The following WNT9B variants were observed in gnomAD, a reference collection of about 807,000 sequenced individuals.
The protein encoded by WNT9B is Wnt family member 9B.
In WNT9B, 12 loss-of-function variants were observed where a neutral mutation model predicts 30.2. The ratio of observed to expected loss-of-function variants is 0.40; its 90% CI spans 0.26 to 0.64. The LOEUF is 0.64. Among genes scored for constraint, WNT9B ranks in the 30% least tolerant of loss-of-function variants. The pLI, the probability that WNT9B is intolerant of heterozygous loss-of-function variation, is 0.42. For synonymous variants in WNT9B, 218 were observed against 216.9 expected (o/e 1.01, Z -0.05); for missense variants, 442 against 485.2 (o/e 0.91, Z 0.84).
At chr17:46,873,232 T>C (rs1168420869) in intron 2 of WNT9B, among the ~76,000 whole-genome samples, 1 of 152,072 alleles carries the variant, frequency 6.6e-6, no homozygotes, top group East Asian at 1.9e-4. Flanking sequence ...TATCTGTCCC[T>C]TTGTTTGTCA....
chr17:46,857,719 A>G lies in WNT9B; in HGVS notation c.77+6004A>G, dbSNP rs372961449. Among the ~76,000 whole-genome samples the G allele has an allele frequency of 4.6e-5, 7 of 152,294 alleles. No individual in the cohort carries two copies. The East Asian group carries it at 1.3e-3, about 29-fold the overall frequency. On this transcript the variant is annotated intron_variant, in intron 1 of 3. Transcript: ENST00000290015. ...AATGTATGAGAGTTCCAGTTGCTCC[A>G]TATTCTATGGTCAGCTATCATCAGT...
rs531464971 is a variant in WNT9B at position 46,879,627 on chromosome 17, T to C, written c.*2909T>C. 1.3e-5 allele frequency among the ~76,000 whole-genome samples: 2 copies of C among 152,364 alleles called. No individual in the cohort carries two copies. The highest frequency in any genetic ancestry group is 1.9e-4 in the East Asian group (1 of 5,192). ...CCATTTTATAGATGAGGTCCAGAGATGGAGAGCTGTGCTCAAAGTCACACC... is the reference window on the plus strand; with the variant it reads ...CCATTTTATAGATGAGGTCCAGAGACGGAGAGCTGTGCTCAAAGTCACACC... On this transcript the variant is annotated 3_prime_UTR_variant, in exon 4 of 4. Coordinates refer to ENST00000290015, the MANE Select transcript of WNT9B (RefSeq NM_003396.3).
downstream of WNT9B, among the ~76,000 whole-genome samples, chr17:46,882,147 C>A (rs1229846311): frequency 2.6e-5 from 4 of 152,144 alleles, no homozygotes; most frequent in African/African-American, 4.8e-5. Context: ...CAGAGTGAGA[C>A]CCTGTCTCTA....
chr17:46,868,241 A>AT (rs535119667), intron 1 of WNT9B, among the ~76,000 whole-genome samples: 404 of 152,330 alleles, frequency 2.7e-3, no homozygotes, highest in Non-Finnish European at 4.0e-3. Context: ...AACCCTGGTT[A>AT]CTTGTTTAAC....
intron 1 of WNT9B, among the ~76,000 whole-genome samples, chr17:46,841,271 T>C (rs2084709832): frequency 6.6e-6 from 1 of 152,084 alleles, no homozygotes; most frequent in Non-Finnish European, 1.5e-5. Context: ...CTCTGAGAGA[T>C]TGTAAGGGAC....
At chr17:46,839,570 A>G (rs1432769863) in intron 1 of WNT9B, among the ~76,000 whole-genome samples, 1 of 152,208 alleles carries the variant, frequency 6.6e-6, no homozygotes, top group Non-Finnish European at 1.5e-5. Flanking sequence ...TCTAGGGTAC[A>G]TGTGCACAAT....
At chr17:46,846,440 A>G (rs2146532183) in intron 1 of WNT9B, among the ~76,000 whole-genome samples, 1 of 152,372 alleles carries the variant, frequency 6.6e-6, no homozygotes, top group South Asian at 2.1e-4. Context: ...TCTGCAGTCT[A>G]CACATAGCAG....
chr17:46,857,630 G>C (rs183435033), intron 1 of WNT9B, among the ~76,000 whole-genome samples: 1 of 152,124 alleles, frequency 6.6e-6, no homozygotes, highest in Non-Finnish European at 1.5e-5. Flanking sequence ...TGGATCAGAT[G>C]GTTGATATAT....
At chr17:46,868,324 G>A (rs890311210) in intron 1 of WNT9B, among the ~76,000 whole-genome samples, 4 of 152,242 alleles carry the variant, frequency 2.6e-5, no homozygotes, top group Admixed American at 6.5e-5. Flanking sequence ...GGGCGTGGTG[G>A]CTCATGCCTG....
chr17:46,835,823 TC>T (rs1462024381), intron 1 of WNT9B, among the ~76,000 whole-genome samples: 1 of 152,172 alleles, frequency 6.6e-6, no homozygotes, highest in Non-Finnish European at 1.5e-5. Flanking sequence ...CCCCCTTCAC[TC>T]CCCACCTCTG....
Position 46,876,615 on chromosome 17 carries a change from G to C in WNT9B, c.971G>C (p.Ser324Thr). 6.2e-7 allele frequency: 1 copy of C among 1,611,884 alleles called. No homozygotes were observed. The highest frequency in any genetic ancestry group is 8.5e-7 in the Non-Finnish European group (1 of 1,178,754). ...TGCGGGCGGGGCTATGACACCCAGA[G>C]CCGCCTGGTGGCCTTCTCCTGCCAC... is the stretch of plus-strand genomic sequence containing the variant. ...LCCGRGYDTQ[S>T]RLVAFSCHCQ... The change falls in exon 4 of 4, where the codon AGC becomes ACC. Residue 324 changes from serine (S) to threonine (T), a missense_variant. Physicochemically the swap from Ser to Thr is moderately conservative, Grantham distance 58. Coordinates refer to ENST00000290015, the MANE Select transcript of WNT9B (RefSeq NM_003396.3).
chr17:46,880,771 A>C (rs138987734), downstream of WNT9B, among the ~76,000 whole-genome samples: 23 of 152,190 alleles, frequency 1.5e-4, no homozygotes, highest in African/African-American at 5.3e-4. Context: ...GGATCGCCCC[A>C]TTTTATTGAT....
intron 1 of WNT9B, among the ~76,000 whole-genome samples, chr17:46,840,746 T>C: frequency 6.6e-6 from 1 of 152,270 alleles, no homozygotes; most frequent in Non-Finnish European, 1.5e-5. Flanking sequence ...ATTTCTCTGA[T>C]GACCAGTGAT....
rs59862934 is a variant in WNT9B at position 46,836,095 on chromosome 17, C to CGTGTGTGTGTGTGTGTGTGTGTGTGT, written c.95+2670_95+2695dup. On this transcript the variant is annotated intron_variant, in intron 1 of 2. Coordinates refer to the WNT9B transcript ENST00000575372. ...GGAACAGCAGCTGGAGAGACGCTGA[C>CGTGTGTGTGTGTGTGTGTGTGTGTGT]GTGTGTGTGTGTGTGTGTGTGTGTG... is the stretch of plus-strand genomic sequence containing the variant. Among the ~76,000 whole-genome samples, 302 of 126,488 alleles carry CGTGTGTGTGTGTGTGTGTGTGTGTGT rather than the reference C, an allele frequency of 2.4e-3. 6 individuals carry two copies. Among genetic ancestry groups the CGTGTGTGTGTGTGTGTGTGTGTGTGT allele is most frequent in the East Asian group, 1.0e-2 (37 of 3,712 alleles). The allele number at this position is 126,488 out of a possible 152,430, so 83.0% of individuals were successfully genotyped here.
chr17:46,885,464 A>G (rs2085478571), downstream of WNT9B: 1 of 153,722 alleles, frequency 6.5e-6, no homozygotes, highest in African/African-American at 2.5e-5. Flanking sequence ...CACCACGCTC[A>G]GCTAATTTTT....
intron 1 of WNT9B, among the ~76,000 whole-genome samples, chr17:46,856,385 T>C (rs1311738818): frequency 6.6e-6 from 1 of 152,166 alleles, no homozygotes; most frequent in Non-Finnish European, 1.5e-5. Flanking sequence ...TCATCCCAGG[T>C]GGTGGAAGTG....
intron 1 of WNT9B, among the ~76,000 whole-genome samples, chr17:46,853,016 C>T (rs969262226): frequency 6.6e-6 from 1 of 152,128 alleles, no homozygotes; most frequent in African/African-American, 2.4e-5. Context: ...CTCACTTTCT[C>T]CTTTTGTACA....
chr17:46,839,964 CT>C (rs1460139354), intron 1 of WNT9B, among the ~76,000 whole-genome samples: 21 of 141,084 alleles, frequency 1.5e-4, no homozygotes, highest in African/African-American at 4.6e-4. Context: ...TTCTTTCTTT[CT>C]TTCTTTCTTT....
rs2085359813 is a variant in WNT9B, at chr17:46,877,168, T to C, written c.*450T>C. The C allele has an allele frequency of 1.2e-6, 1 of 833,890 alleles. No homozygotes were observed. The highest frequency in any genetic ancestry group is 1.8e-5 in the African/African-American group (1 of 54,250). The allele number at this position is 833,890 out of a possible 1,614,324, so 51.7% of individuals were successfully genotyped here. A position where few individuals can be genotyped will look rare whatever the true frequency, so the allele number is the denominator to read the frequency against. ...CCAGCTGGAAGTGAAGGCGGGAGCC[T>C]GGCTGAGATGGGTCAATCGGGTCCT... is the stretch of plus-strand genomic sequence containing the variant. On this transcript the variant is annotated 3_prime_UTR_variant, in exon 4 of 4. Transcript: ENST00000290015.
Sources: allele counts gnomAD v4.1 joint callset (sites outside exome capture counted in the v4.1 genomes callset), GRCh38; gene constraint gnomAD v4.1.1; transcripts MANE v1.5; gene names NCBI Gene and HGNC (gene_info 2026-07-23, HGNC 2026-07-21).